The following POLR3A variants were observed in gnomAD, a reference collection of about 807,000 sequenced individuals.
POLR3A encodes the protein RNA polymerase III subunit A.
A neutral mutation model predicts 152.8 loss-of-function variants in POLR3A; 112 were observed. The observed-to-expected ratio is 0.73, with a 90% CI of 0.63 to 0.86. The LOEUF is 0.86. Among genes scored for constraint, POLR3A ranks in the 40% least tolerant of loss-of-function variants. The pLI, the probability that POLR3A is intolerant of heterozygous loss-of-function variation, is 0.00. For missense variants in POLR3A, 1,385 were observed against 1,743.1 expected, an observed-to-expected ratio of 0.79 and a Z score of 3.66; for synonymous variants, 615 against 652.1, an observed-to-expected ratio of 0.94 and a Z score of 0.87.
At position 78,021,902 on chromosome 10, in the gene POLR3A, T is replaced by G; in HGVS notation, c.1006A>C (p.Lys336Gln). 6.2e-7 allele frequency: 1 copy of G among 1,614,122 alleles called. No individual in the cohort carries two copies. The highest frequency in any genetic ancestry group is 8.5e-7 in the Non-Finnish European group (1 of 1,180,010). The change falls in exon 7 of 31, where the codon AAG becomes CAG. Residue 336 changes from lysine to glutamine, a missense_variant. Physicochemically the swap from Lys to Gln is moderately conservative, Grantham distance 53. Transcript: ENST00000372371. The stretch of plus-strand genomic sequence containing the variant: ...CGTTGGACGAAGCCTCTGGTCCACT[T>G]CTTGGGTGCCATGTTGAGGGGAATG... ...SGIPLNMAPKKWTRGFVQRLK... is the reference protein window; with the variant it reads ...SGIPLNMAPKQWTRGFVQRLK...
chr10:78,024,764 T>C, intron 4 of POLR3A, 61 bp from the exon 5 acceptor site: 2 of 1,490,276 alleles, frequency 1.3e-6, no homozygotes, highest in East Asian at 2.3e-5. Flanking sequence ...TGGCCAGAGA[T>C]TGTAGTATGG....
chr10:77,996,648 G>T (rs11002361), intron 19 of POLR3A, among the ~76,000 whole-genome samples: 105,215 of 149,232 alleles, frequency 0.71, 37,829 homozygotes, highest in African/African-American at 0.85. Context: ...AATAACAGGA[G>T]CTGAAATTGA....
rs150634378 is a variant in POLR3A, at chr10:78,011,716, T to C, written c.1573-1176A>G. 6.6e-5 allele frequency among the ~76,000 whole-genome samples: 10 copies of C among 152,318 alleles called. No homozygotes were observed. In the East Asian group the frequency reaches 1.9e-3, roughly 29 times the overall value. The stretch of plus-strand genomic sequence containing the variant: ...TGCAAGGGGCTGAGATTAGTGTATT[T>C]TGAAAAGGTCTCCTGGGTAATTTGG... On this transcript the variant is annotated intron_variant, in intron 11 of 30. Coordinates refer to ENST00000372371, the MANE Select transcript of POLR3A (RefSeq NM_007055.4).
In POLR3A at chr10:78,022,038, C is replaced by T. The variant is rs779436605; in HGVS notation, c.886-16G>A. On this transcript the variant is annotated splice_polypyrimidine_tract_variant and intron_variant, in intron 6 of 30. Coordinates refer to ENST00000372371, the MANE Select transcript of POLR3A (RefSeq NM_007055.4). ...AGATCCGATGCTAAAACCAGCACAG[C>T]CCAAACAGAAACAAACCTGGTCAGT... The T allele has an allele frequency of 2.0e-5, 33 of 1,614,070 alleles. No individual in the cohort carries two copies. In the South Asian group the frequency reaches 3.1e-4, roughly 15 times the overall value.
intron 12 of POLR3A, 21 bp from the exon 13 acceptor site, chr10:78,010,012 C>T (rs749425512): frequency 1.2e-6 from 2 of 1,613,504 alleles, no homozygotes; most frequent in East Asian, 4.5e-5. Flanking sequence ...GGAACCAACA[C>T]AAAACAAAGA....
At chr10:78,005,314 C>T (rs1847400590) in intron 15 of POLR3A, among the ~76,000 whole-genome samples, 1 of 152,214 alleles carries the variant, frequency 6.6e-6, no homozygotes, top group East Asian at 1.9e-4. Flanking sequence ...CTCATCTCTA[C>T]AAAAACCTTA....
rs1847126518 is a variant in POLR3A, at chr10:77,980,176, T to A, written c.3989A>T (p.Asp1330Val). ...SFEKTADHLF[D>V]AAYFGQKDSV... ...GTCCTTCTGCCCGAAGTAGGCAGCG[T>A]CAAAGAGATGGTCAGCCGTCTTCTC... Residue 1330 changes from aspartate to valine, a missense_variant, in exon 30 of 31, where the codon GAC becomes GTC. Asp to Val is a radical substitution (Grantham distance 152). Around this residue, in one of 7 missense-constraint regions of POLR3A, gnomAD observed 332 missense variants for 400.1 expected, o/e 0.83. Coordinates refer to ENST00000372371, the MANE Select transcript of POLR3A (RefSeq NM_007055.4). 1 of 1,613,982 alleles carries A rather than the reference T, an allele frequency of 6.2e-7. No homozygotes were observed. Among genetic ancestry groups the A allele is most frequent in the Non-Finnish European group, 8.5e-7 (1 of 1,179,958 alleles).
intron 30 of POLR3A, among the ~76,000 whole-genome samples, chr10:77,979,344 C>T (rs1847117984): frequency 6.6e-6 from 1 of 152,198 alleles, no homozygotes; most frequent in Admixed American, 6.5e-5. Context: ...CTGGTGTGTG[C>T]CCCGGGGCAG....
intron 20 of POLR3A, among the ~76,000 whole-genome samples, chr10:77,991,689 A>AT (rs1847250142): frequency 6.6e-6 from 1 of 151,826 alleles, no homozygotes; most frequent in African/African-American, 2.4e-5. Flanking sequence ...CGTACGATTA[A>AT]TTTTTTTGTA....
intron 19 of POLR3A, among the ~76,000 whole-genome samples, chr10:77,997,417 T>C (rs1684334159): frequency 1.3e-5 from 2 of 152,162 alleles, no homozygotes; most frequent in South Asian, 4.1e-4. Context: ...ACCCAATCGT[T>C]TCAGCCCAAA....
rs780755978 is a variant in POLR3A, at chr10:78,025,091, GCTT to G, written c.367_369del (p.Lys123del). The G allele has an allele frequency of 3.7e-5, 59 of 1,614,172 alleles. No homozygotes were observed. The highest frequency in any genetic ancestry group is 1.6e-4 in the Middle Eastern group (1 of 6,062). ...GGCCTCTTTAGATAGTCCAGAAACT[GCTT>G]CTTCTCCTCTTGGGACAGCATGATG... On this transcript the variant is annotated inframe_deletion, in exon 4 of 31. Transcript: ENST00000372371.
intron 28 of POLR3A, among the ~76,000 whole-genome samples, chr10:77,981,868 CAAAAAAA>C (rs60259976): frequency 1.6e-5 from 1 of 63,844 alleles, no homozygotes; most frequent in Non-Finnish European, 3.0e-5. Flanking sequence ...ACTAAAAATA[CAAAAAAA>C]AAAAAAAAAA....
chr10:78,019,524 C>G, intron 8 of POLR3A: 1 of 532,732 alleles, frequency 1.9e-6, no homozygotes, highest in Non-Finnish European at 3.4e-6. Context: ...GGTTTCCTCA[C>G]TGGTAAAACG....
chr10:78,020,774 C>A (rs186268754), intron 8 of POLR3A, among the ~76,000 whole-genome samples: 5 of 152,152 alleles, frequency 3.3e-5, no homozygotes, highest in African/African-American at 9.6e-5. Flanking sequence ...GGCGACAGAG[C>A]GAGACTCCAC....
At chr10:77,985,834 A>T in intron 23 of POLR3A, 69 bp downstream of exon 23, 1 of 1,157,688 alleles carries the variant, frequency 8.6e-7, no homozygotes. Context: ...TTTTGTACAC[A>T]TGGGGAAACA....
At chr10:77,978,269 G>A (rs572844404) in intron 30 of POLR3A, among the ~76,000 whole-genome samples, 10 of 152,196 alleles carry the variant, frequency 6.6e-5, no homozygotes, top group African/African-American at 1.9e-4. Flanking sequence ...TTGAGTCTAC[G>A]ATGAGCAAGC....
chr10:77,999,833 G>T, intron 19 of POLR3A, 148 bp downstream of exon 19: 1 of 778,964 alleles, frequency 1.3e-6, no homozygotes. Flanking sequence ...TTCATTTCCA[G>T]GGCATCTACC....
chr10:78,021,469 T>C (rs1847578679), intron 8 of POLR3A, 77 bp downstream of exon 8: 5 of 1,477,152 alleles, frequency 3.4e-6, no homozygotes, highest in Non-Finnish European at 3.8e-6. Context: ...TTCTACTGCC[T>C]GTTGTTTGCA....
intron 16 of POLR3A, among the ~76,000 whole-genome samples, chr10:78,003,640 A>G (rs1847381087): frequency 6.6e-6 from 1 of 152,084 alleles, no homozygotes; most frequent in South Asian, 2.1e-4. Flanking sequence ...AGCTGTGGTG[A>G]GGCTGGGCAC....
Sources: allele counts gnomAD v4.1 joint callset (sites outside exome capture counted in the v4.1 genomes callset), GRCh38; gene constraint gnomAD v4.1.1; regional missense constraint gnomAD v4.1.1; transcripts MANE v1.5; gene names NCBI Gene and HGNC (gene_info 2026-07-23, HGNC 2026-07-21).